Variants in VAT1L observed in about 807,000 individuals in gnomAD.
VAT1L encodes putative NADPH-dependent quinone oxidoreductase VAT1L.
In VAT1L, 34 loss-of-function variants were observed where a neutral mutation model predicts 44.1. The observed-to-expected ratio is 0.77, with a 90% confidence interval of 0.59 to 1.03. The LOEUF is 1.03. VAT1L is among the 50% of genes least tolerant of loss of function. The pLI is 0.00. For missense variants in VAT1L, 615 were observed against 538.8 expected, an observed-to-expected ratio of 1.14 and a Z score of -1.40; for synonymous variants, 253 against 202.2, an observed-to-expected ratio of 1.25 and a Z score of -2.13.
chr16:77,943,276 C>G (rs1597112584), intron 7 of VAT1L, among the ~76,000 whole-genome samples: 4 of 151,670 alleles, frequency 2.6e-5, no homozygotes, highest in East Asian at 1.9e-4. Flanking sequence ...AGGCTGGTCT[C>G]AAGCTCCTGA....
chr16:77,802,434 G>A (rs113526377), intron 1 of VAT1L, among the ~76,000 whole-genome samples: 6 of 152,232 alleles, frequency 3.9e-5, no homozygotes, highest in African/African-American at 1.4e-4. Context: ...GGCCAAGATG[G>A]TAAAAGCCCG....
intron 3 of VAT1L, among the ~76,000 whole-genome samples, chr16:77,851,569 C>T (rs1328441164): frequency 6.6e-6 from 1 of 152,036 alleles, no homozygotes. Flanking sequence ...GGGAGGATCG[C>T]TTGAGACCAA....
chr16:77,788,788 C>T lies in VAT1L; in HGVS notation c.106C>T (p.Leu36Phe), dbSNP rs755767065. Residue 36 changes from leucine (L) to phenylalanine (F), a missense_variant, in exon 1 of 9, where the codon CTC becomes TTC. Transcript: ENST00000302536. ...EGGGGDGSHRLGDAQEMRAVV... is the reference protein window; with the variant it reads ...EGGGGDGSHRFGDAQEMRAVV... ...CGGCGGCGGCGACGGCTCGCACCGC[C>T]TCGGGGACGCCCAGGAGATGCGCGC... 1.5e-5 allele frequency: 23 copies of T among 1,566,998 alleles called. No homozygotes were observed. The Admixed American group carries it at 3.7e-4, about 25-fold the overall frequency.
rs1263445348 is a variant in VAT1L, at chr16:77,830,409, T to A, written c.579+4948T>A. On this transcript the variant is annotated intron_variant, in intron 3 of 8. Coordinates refer to ENST00000302536, the MANE Select transcript of VAT1L (RefSeq NM_020927.3). ...AGCCTTTTATTTGTCTATGGTTTGA[T>A]ATGGTTTGTCTGTGTCCCCGCCAAA... 9.9e-5 allele frequency among the ~76,000 whole-genome samples: 15 copies of A among 152,200 alleles called. No homozygotes were observed. The East Asian group carries it at 2.7e-3, about 27-fold the overall frequency.
intron 4 of VAT1L, among the ~76,000 whole-genome samples, chr16:77,867,371 TA>T (rs930139992): frequency 3.9e-5 from 6 of 152,122 alleles, no homozygotes; most frequent in Admixed American, 6.5e-5. Context: ...ATAAAGCTAT[TA>T]AAAAAACCTG....
chr16:77,921,917 T>C (rs1420503275), intron 7 of VAT1L, among the ~76,000 whole-genome samples: 1 of 151,958 alleles, frequency 6.6e-6, no homozygotes, highest in Non-Finnish European at 1.5e-5. Flanking sequence ...GTAATTTTTA[T>C]AATTTTTTTT....
intron 7 of VAT1L, among the ~76,000 whole-genome samples, chr16:77,944,193 G>C (rs775349037): frequency 6.6e-6 from 1 of 152,064 alleles, no homozygotes; most frequent in Non-Finnish European, 1.5e-5. Context: ...CTGCAACGAA[G>C]AATTATCCAG....
At chr16:77,826,610 T>C (rs1218579577) in intron 3 of VAT1L, among the ~76,000 whole-genome samples, 3 of 152,278 alleles carry the variant, frequency 2.0e-5, no homozygotes, top group Non-Finnish European at 4.4e-5. Context: ...ACTTCTCTCA[T>C]GGTTTGTCTG....
At chr16:77,887,303 C>CT (rs1383858679) in intron 7 of VAT1L, among the ~76,000 whole-genome samples, 1 of 152,126 alleles carries the variant, frequency 6.6e-6, no homozygotes, top group African/African-American at 2.4e-5. Context: ...CAGGGGGCTG[C>CT]TATAGGTTCA....
chr16:77,840,054 T>C (rs780958709), intron 3 of VAT1L, among the ~76,000 whole-genome samples: 13 of 152,054 alleles, frequency 8.5e-5, no homozygotes, highest in South Asian at 4.1e-4. Flanking sequence ...ATGTGTAAAA[T>C]TGGCAAAACA....
At chr16:77,805,559 TGCGTCTGCTTG>T in intron 1 of VAT1L, among the ~76,000 whole-genome samples, 1 of 145,642 alleles carries the variant, frequency 6.9e-6, no homozygotes, top group South Asian at 2.2e-4. Flanking sequence ...CTTCCCTTAC[TGCGTCTGCTTG>T]GCACAAAGCC....
chr16:77,950,190 C>T (rs2018024760), intron 7 of VAT1L, among the ~76,000 whole-genome samples: 1 of 152,180 alleles, frequency 6.6e-6, no homozygotes, highest in Admixed American at 6.5e-5. Context: ...AGGTGGATGC[C>T]TTGAGGTCAG....
In VAT1L at chr16:77,978,796, G is replaced by A. The variant is rs1276168031; in HGVS notation, c.*1101G>A. ...AGCGCCCTGCTCTTCGGAAACCAAG[G>A]AACAAGCCACCTGCTCACACACCTT... On this transcript the variant is annotated 3_prime_UTR_variant, in exon 9 of 9. Transcript: ENST00000302536. 1 of 152,188 alleles carries A rather than the reference G, an allele frequency of 6.6e-6. No homozygotes were observed. The highest frequency in any genetic ancestry group is 2.4e-5 in the African/African-American group (1 of 41,430). 9.4% of individuals were successfully genotyped at this position (152,188 alleles called of 1,614,324 possible).
intron 8 of VAT1L, 128 bp from the exon 9 acceptor site, chr16:77,977,469 C>T (rs776782457): frequency 1.2e-6 from 1 of 850,992 alleles, no homozygotes; most frequent in Non-Finnish European, 1.8e-6. Context: ...TCCTGCATTG[C>T]CTTCCAGGGA....
At chr16:77,941,964 C>A (rs1457392130) in intron 7 of VAT1L, among the ~76,000 whole-genome samples, 4 of 152,182 alleles carry the variant, frequency 2.6e-5, no homozygotes, top group East Asian at 1.9e-4. Flanking sequence ...TTTTTCTCTG[C>A]AACCTTGCCA....
At chr16:77,833,695 G>C (rs1283037463) in intron 3 of VAT1L, among the ~76,000 whole-genome samples, 1 of 151,912 alleles carries the variant, frequency 6.6e-6, no homozygotes, top group Non-Finnish European at 1.5e-5. Flanking sequence ...AGGTTGCAGT[G>C]AGCCGGGATC....
At chr16:77,855,667 G>A (rs1287421129) in intron 3 of VAT1L, among the ~76,000 whole-genome samples, 1 of 152,096 alleles carries the variant, frequency 6.6e-6, no homozygotes, top group Admixed American at 6.5e-5. Context: ...CCAAGACAGG[G>A]ACCATATACA....
chr16:77,934,251 T>A (rs779974181), intron 7 of VAT1L, among the ~76,000 whole-genome samples: 5 of 152,216 alleles, frequency 3.3e-5, no homozygotes, highest in Admixed American at 6.5e-5. Flanking sequence ...GAAAAACCCC[T>A]AGGTTTTTGG....
chr16:77,852,200 C>G (rs1435846181), intron 3 of VAT1L, among the ~76,000 whole-genome samples: 1 of 152,120 alleles, frequency 6.6e-6, no homozygotes, highest in Non-Finnish European at 1.5e-5. Context: ...AGTGGACTGA[C>G]CTCTCTCTCT....
Sources: allele counts gnomAD v4.1 joint callset (sites outside exome capture counted in the v4.1 genomes callset), GRCh38; gene constraint gnomAD v4.1.1; transcripts MANE v1.5; gene names NCBI Gene and HGNC (gene_info 2026-07-23, HGNC 2026-07-21).